The following HTR4 variants were observed in gnomAD, a reference collection of about 807,000 sequenced individuals.
HTR4 encodes the protein 5-hydroxytryptamine (serotonin) receptor 4, G protein-coupled.
HTR4 carries 16 observed loss-of-function variants against 36.8 expected under a neutral mutation model. The observed-to-expected ratio is 0.43, with a 90% confidence interval of 0.29 to 0.66. The LOEUF (loss-of-function observed/expected upper bound fraction) is 0.66. HTR4 is among the 30% of genes least tolerant of loss of function. HTR4 has a pLI of 0.13. For missense variants in HTR4, 438 were observed against 490.9 expected (o/e 0.89, Z 1.02); for synonymous variants, 189 against 185.1 (o/e 1.02, Z -0.17).
At position 148,548,625 on chromosome 5, in the gene HTR4, T is replaced by A. The variant is rs201502094; in HGVS notation, c.353+43A>T. The A allele has an allele frequency of 1.9e-4, 285 of 1,465,564 alleles. 2 individuals are homozygous for A. The highest frequency in any genetic ancestry group is 6.4e-4 in the South Asian group (53 of 82,750). 90.8% of individuals were successfully genotyped at this position (1,465,564 alleles called of 1,614,324 possible). ...ACTGCCCAATATCCATCAAGTCATG[T>A]CTCCAGCATGGAGCTCCGCTATGCA... On this transcript the variant is annotated intron_variant, in intron 4 of 6. Transcript: ENST00000377888.
At position 148,481,674 on chromosome 5, in the gene HTR4, A is replaced by G; in HGVS notation, c.*1529T>C. On this transcript the variant is annotated 3_prime_UTR_variant, in exon 7 of 7. Coordinates refer to ENST00000377888, the MANE Select transcript of HTR4 (RefSeq NM_000870.7). Reference sequence around the variant, plus strand: ...AAACAATAACTGACACCTTATAAGCAATAAGAAAAAAAGAGAATATGATAA... The same window carrying G: ...AAACAATAACTGACACCTTATAAGCGATAAGAAAAAAAGAGAATATGATAA... The G allele has an allele frequency of 6.7e-7, 1 of 1,484,984 alleles. No individual in the cohort carries two copies. Among genetic ancestry groups the G allele is most frequent in the East Asian group, 2.5e-5 (1 of 40,564 alleles). 92.0% of individuals were successfully genotyped at this position (1,484,984 alleles called of 1,614,324 possible).
At chr5:148,554,660 T>C in intron 2 of HTR4, among the ~76,000 whole-genome samples, 1 of 152,218 alleles carries the variant, frequency 6.6e-6, no homozygotes, top group East Asian at 1.9e-4. Context: ...ACTGTGAATG[T>C]TCTTTTTTTA....
intron 5 of HTR4, among the ~76,000 whole-genome samples, chr5:148,517,298 T>C (rs1757803201): frequency 6.6e-6 from 1 of 152,180 alleles, no homozygotes; most frequent in African/African-American, 2.4e-5. Context: ...ATTCTGTATC[T>C]ACCTGCATTC....
intron 5 of HTR4, among the ~76,000 whole-genome samples, chr5:148,468,225 G>C (rs1985524): frequency 0.5 from 76,058 of 151,918 alleles, 19,702 homozygotes; most frequent in East Asian, 0.8. Context: ...ACCAGGAAGA[G>C]AGGGCTTATG....
intron 6 of HTR4, among the ~76,000 whole-genome samples, chr5:148,500,938 T>C (rs1756910321): frequency 1.3e-5 from 2 of 152,148 alleles, no homozygotes; most frequent in South Asian, 4.1e-4. Context: ...GATGCCAATA[T>C]TATAGTAAAC....
chr5:148,522,679 G>A (rs2113796105), intron 5 of HTR4, among the ~76,000 whole-genome samples: 1 of 152,284 alleles, frequency 6.6e-6, no homozygotes, highest in East Asian at 1.9e-4. Flanking sequence ...GAGAGAGATT[G>A]AAATGCAACA....
At chr5:148,629,630 A>G (rs1265948978) in intron 2 of HTR4, 1 of 152,106 alleles carries the variant, frequency 6.6e-6, no homozygotes, top group Non-Finnish European at 1.5e-5. Context: ...GTAATAACCA[A>G]ATTCTCTAAA....
chr5:148,554,218 G>A (rs1759827605), intron 2 of HTR4, among the ~76,000 whole-genome samples: 1 of 152,110 alleles, frequency 6.6e-6, no homozygotes, highest in South Asian at 2.1e-4. Context: ...TGGGATTACA[G>A]GAATATGCCA....
chr5:148,640,055 G>GGTAAT (rs1753676532), intron 1 of HTR4, among the ~76,000 whole-genome samples: 1 of 152,050 alleles, frequency 6.6e-6, no homozygotes, highest in Admixed American at 6.6e-5. Context: ...GGTCAGAGAG[G>GGTAAT]GTAATTGAAT....
In HTR4 at chr5:148,482,265, C is replaced by G. The variant is rs200039389; in HGVS notation, c.*938G>C. 13 of 985,350 alleles carry G rather than the reference C, an allele frequency of 1.3e-5. No homozygotes were observed. Among genetic ancestry groups the G allele is most frequent in the Non-Finnish European group, 1.3e-5 (11 of 829,996 alleles). The allele number at this position is 985,350 out of a possible 1,614,324, so 61.0% of individuals were successfully genotyped here. On this transcript the variant is annotated 3_prime_UTR_variant, in exon 7 of 7. Coordinates refer to ENST00000377888, the MANE Select transcript of HTR4 (RefSeq NM_000870.7). Reference sequence around the variant, plus strand: ...GTTATCTCCTTTGGCAGCAACAAAGCCAGATTGAAGGGTTTCAAAATGATA... The same window carrying G: ...GTTATCTCCTTTGGCAGCAACAAAGGCAGATTGAAGGGTTTCAAAATGATA...
chr5:148,598,441 G>T (rs1581526433), intron 2 of HTR4, among the ~76,000 whole-genome samples: 1 of 151,964 alleles, frequency 6.6e-6, no homozygotes, highest in South Asian at 2.1e-4. Context: ...GTACTAAGGA[G>T]TCTAAGGTAC....
intron 4 of HTR4, among the ~76,000 whole-genome samples, chr5:148,542,420 C>A (rs1352338247): frequency 6.6e-6 from 1 of 152,154 alleles, no homozygotes; most frequent in African/African-American, 2.4e-5. Context: ...ATCTCCAGCA[C>A]AAGATTAAAC....
At chr5:148,637,954 T>A (rs1327312564) in intron 1 of HTR4, among the ~76,000 whole-genome samples, 1 of 152,160 alleles carries the variant, frequency 6.6e-6, no homozygotes, top group East Asian at 1.9e-4. Flanking sequence ...TGGAAAAAAA[T>A]AATCTCTGAG....
At chr5:148,474,529 C>T (rs1311031567), downstream of HTR4, among the ~76,000 whole-genome samples, 5 of 152,148 alleles carry the variant, frequency 3.3e-5, no homozygotes, top group African/African-American at 4.8e-5. Flanking sequence ...TATCTGATCT[C>T]GACCAAGTTT....
At chr5:148,602,423 C>T (rs1762031703) in intron 2 of HTR4, among the ~76,000 whole-genome samples, 1 of 152,070 alleles carries the variant, frequency 6.6e-6, no homozygotes, top group South Asian at 2.1e-4. Context: ...TAAAATGTTT[C>T]AAACTAGGTG....
intron 2 of HTR4, among the ~76,000 whole-genome samples, chr5:148,551,592 T>A (rs1759694531): frequency 6.6e-6 from 1 of 152,196 alleles, no homozygotes; most frequent in Non-Finnish European, 1.5e-5. Context: ...AAAACTTTTA[T>A]AGTATAATAA....
chr5:148,488,797 T>C (rs1345178656), intron 6 of HTR4, among the ~76,000 whole-genome samples: 4 of 152,180 alleles, frequency 2.6e-5, no homozygotes, highest in Non-Finnish European at 4.4e-5. Context: ...GATGTTAACA[T>C]TGTGGCCTCT....
At chr5:148,641,022 C>A (rs1027843425) in intron 1 of HTR4, among the ~76,000 whole-genome samples, 1 of 152,116 alleles carries the variant, frequency 6.6e-6, no homozygotes, top group African/African-American at 2.4e-5. Context: ...TAGTACCTAT[C>A]CTAATTTGAT....
rs1467302923 is a variant in HTR4, at chr5:148,499,148, C to A, written c.1076+10308G>T. Among the ~76,000 whole-genome samples the A allele has an allele frequency of 1.1e-4, 17 of 152,066 alleles. 1 individual carries two copies. The highest frequency in any genetic ancestry group is 1.1e-3 in the Admixed American group (17 of 15,266). ...GTGTGACTTTGGGCATGTTACTTAC[C>A]CTAACACTCAATTTTCTCATCTTTA... is the stretch of plus-strand genomic sequence containing the variant. On this transcript the variant is annotated intron_variant, in intron 6 of 6. Transcript: ENST00000377888.
Sources: allele counts gnomAD v4.1 joint callset (sites outside exome capture counted in the v4.1 genomes callset), GRCh38; gene constraint gnomAD v4.1.1; transcripts MANE v1.5; gene names NCBI Gene and HGNC (gene_info 2026-07-23, HGNC 2026-07-21).